Variants in SHOC1 observed in about 807,000 individuals in gnomAD.
SHOC1 encodes protein shortage in chiasmata 1 ortholog.
Under a neutral mutation model 179.2 loss-of-function variants are expected in SHOC1, and 136 were observed. The ratio of observed to expected loss-of-function variants is 0.76; its 90% confidence interval spans 0.66 to 0.87. SHOC1 has a LOEUF of 0.87. SHOC1 is among the 40% of genes least tolerant of loss of function. SHOC1 has a pLI of 0.00. For synonymous variants in SHOC1, 489 were observed against 586.6 expected (o/e 0.83, Z 2.41); for missense variants, 1,538 against 1,700.8 (o/e 0.90, Z 1.68).
chr9:111,707,212 G>T (rs182856269), intron 19 of SHOC1, among the ~76,000 whole-genome samples: 513 of 151,822 alleles, frequency 3.4e-3, no homozygotes, highest in Middle Eastern at 6.8e-3. Flanking sequence ...CATAAATTTA[G>T]CTTTCTTTTC....
chr9:111,787,561 G>A (rs558607695), intron 2 of SHOC1, among the ~76,000 whole-genome samples: 24 of 152,334 alleles, frequency 1.6e-4, no homozygotes, highest in African/African-American at 5.8e-4. Context: ...GCAATCTCAT[G>A]ATAAAACTTG....
Position 111,701,069 on chromosome 9 carries a change from A to T in SHOC1, c.3090-1022T>A, listed in dbSNP as rs113647462. Among the ~76,000 whole-genome samples, 395 of 152,264 alleles carry T rather than the reference A, an allele frequency of 2.6e-3. 2 individuals are homozygous for T. The highest frequency in any genetic ancestry group is 8.7e-3 in the African/African-American group (362 of 41,564). ...TTTGCATTATAGGCTTTGTATTGTAACTTTGCACCATAATAAATCATAGCC... is the reference window on the plus strand; with the variant it reads ...TTTGCATTATAGGCTTTGTATTGTATCTTTGCACCATAATAAATCATAGCC... On this transcript the variant is annotated intron_variant, in intron 23 of 27. Coordinates refer to ENST00000682961, the MANE Select transcript of SHOC1 (RefSeq NM_001378211.1).
intron 12 of SHOC1, among the ~76,000 whole-genome samples, chr9:111,731,308 A>T (rs1044287483): frequency 1.3e-5 from 2 of 152,202 alleles, no homozygotes; most frequent in Non-Finnish European, 2.9e-5. Flanking sequence ...CAAGAGACCT[A>T]GCTTTTGGCC....
At chr9:111,778,770 C>CCA (rs1835926545) in intron 4 of SHOC1, among the ~76,000 whole-genome samples, 1 of 74,008 alleles carries the variant, frequency 1.4e-5, no homozygotes, top group African/African-American at 5.4e-5. Flanking sequence ...GACTCTGTCT[C>CCA]AAAAAAAAAA....
chr9:111,691,898 A>C lies in SHOC1; in HGVS notation c.4079T>G (p.Phe1360Cys). Residue 1360 changes from phenylalanine (F) to cysteine (C), a missense_variant, in exon 27 of 28, where the codon TTT becomes TGT. Physicochemically the swap from Phe to Cys is radical, Grantham distance 205. Coordinates refer to ENST00000682961, the MANE Select transcript of SHOC1 (RefSeq NM_001378211.1). ...CTCTTGTTCCCATATATTTTTCTTA[A>C]AGTTCCAATGAAGAGGAGATTGAGT... is the stretch of plus-strand genomic sequence containing the variant. ...EGTQSPLHWN[F>C]KKNIWEQENH... The C allele has an allele frequency of 6.2e-7, 1 of 1,613,926 alleles. No individual in the cohort carries two copies. The highest frequency in any genetic ancestry group is 8.5e-7 in the Non-Finnish European group (1 of 1,179,950).
At chr9:111,743,753 G>T (rs769824458) in intron 10 of SHOC1, among the ~76,000 whole-genome samples, 1 of 152,146 alleles carries the variant, frequency 6.6e-6, no homozygotes, top group Non-Finnish European at 1.5e-5. Context: ...TATATATAGG[G>T]TTCAATAACA....
intron 27 of SHOC1, among the ~76,000 whole-genome samples, chr9:111,690,586 G>A (rs573023898): frequency 6.6e-6 from 1 of 152,248 alleles, no homozygotes; most frequent in African/African-American, 2.4e-5. Flanking sequence ...GACATGAATA[G>A]GTCAGTAGAG....
Position 111,748,133 on chromosome 9 carries a change from G to A in SHOC1, c.929C>T (p.Thr310Ile). 6.2e-7 allele frequency: 1 copy of A among 1,613,676 alleles called. No individual in the cohort carries two copies. The highest frequency in any genetic ancestry group is 8.5e-7 in the Non-Finnish European group (1 of 1,179,808). The change falls in exon 9 of 28, where the codon ACC becomes ATC. Residue 310 changes from threonine to isoleucine, a missense_variant. Transcript: ENST00000682961. The part of the protein sequence containing the change: ...DIKFSSTEIL[T>I]IQSQSEPEEC... ...TTCTGGTTCACTCTGGCTTTGAATG[G>A]TCAAAATCTCTGTGGAGCTGAATTT...
chr9:111,777,783 AAAGAAACAAAATCAATAT>A (rs1279980095), intron 4 of SHOC1, among the ~76,000 whole-genome samples: 13 of 152,198 alleles, frequency 8.5e-5, no homozygotes, highest in African/African-American at 3.1e-4. Context: ...GTACAGACTG[AAAGAAACAAAATCAATAT>A]AACTCTCCAA....
rs1836571344 is a variant in SHOC1 at position 111,794,890 on chromosome 9, G to C, written c.-37+10C>G. On this transcript the variant is annotated intron_variant, in intron 1 of 27. Coordinates refer to ENST00000682961, the MANE Select transcript of SHOC1 (RefSeq NM_001378211.1). The stretch of plus-strand genomic sequence containing the variant: ...CCTCTCTCCTGCCTCCAGCCTCTCA[G>C]GGCTCTTACCTGAGGTAAAAATCGC... 1 of 152,964 alleles carries C rather than the reference G, an allele frequency of 6.5e-6. No homozygotes were observed. Among genetic ancestry groups the C allele is most frequent in the Non-Finnish European group, 1.5e-5 (1 of 68,718 alleles). 9.5% of individuals were successfully genotyped at this position (152,964 alleles called of 1,614,324 possible). A position where few individuals can be genotyped will look rare whatever the true frequency, so the allele number is the denominator to read the frequency against.
rs554299712 is a variant in SHOC1 at position 111,706,545 on chromosome 9, A to T, written c.2737+23T>A. ...ATTTTCATTCTAATAAAGCAAAAAA[A>T]GGATTTTGGCTTATATTCTTACTTT... is the stretch of plus-strand genomic sequence containing the variant. On this transcript the variant is annotated intron_variant, in intron 20 of 27. Coordinates refer to ENST00000682961, the MANE Select transcript of SHOC1 (RefSeq NM_001378211.1). 4.1e-6 allele frequency: 6 copies of T among 1,455,718 alleles called. No individual in the cohort carries two copies. The African/African-American group carries it at 8.7e-5, about 21-fold the overall frequency. The allele number at this position is 1,455,718 out of a possible 1,614,324, so 90.2% of individuals were successfully genotyped here.
At chr9:111,691,157 A>G (rs1162226721) in intron 27 of SHOC1, among the ~76,000 whole-genome samples, 1 of 152,232 alleles carries the variant, frequency 6.6e-6, no homozygotes, top group Non-Finnish European at 1.5e-5. Context: ...AATCCAATAA[A>G]GCACTTAGAA....
At chr9:111,772,834 C>G (rs10981065) in intron 5 of SHOC1, among the ~76,000 whole-genome samples, 2,899 of 152,264 alleles carry the variant, frequency 0.019, 87 homozygotes, top group African/African-American at 0.066. Flanking sequence ...CCCTTCTCCC[C>G]TCTTTGTCTC....
rs1831884227 is a variant in SHOC1, at chr9:111,699,958, A to ATG, written c.3178_3179insCA (p.Val1060AlafsTer2). 2 of 1,595,950 alleles carry ATG rather than the reference A, an allele frequency of 1.3e-6. No individual in the cohort carries two copies. The highest frequency in any genetic ancestry group is 1.7e-6 in the Non-Finnish European group (2 of 1,167,880). Reference sequence around the variant, plus strand: ...AAACACATAGGAAAAGAATACCTTTACATCCAGTTCTTCAGAGTTTAGCCC... The same window carrying ATG: ...AAACACATAGGAAAAGAATACCTTTATGCATCCAGTTCTTCAGAGTTTAGCCC... On this transcript the variant is annotated frameshift_variant, in exon 24 of 28. Transcript: ENST00000682961. LOFTEE classifies it high-confidence loss of function.
chr9:111,719,975 C>T (rs1220182040), intron 15 of SHOC1, among the ~76,000 whole-genome samples: 2 of 151,988 alleles, frequency 1.3e-5, no homozygotes, highest in African/African-American at 4.8e-5. Context: ...TACACTCCAC[C>T]CTGTCTCTTC....
chr9:111,689,436 T>C (rs935960485), intron 27 of SHOC1, among the ~76,000 whole-genome samples: 3 of 151,446 alleles, frequency 2.0e-5, no homozygotes, highest in Non-Finnish European at 4.4e-5. Flanking sequence ...AGTAATTATA[T>C]CATAGAGATC....
At chr9:111,794,093 C>A (rs901160296) in intron 1 of SHOC1, among the ~76,000 whole-genome samples, 1 of 150,836 alleles carries the variant, frequency 6.6e-6, no homozygotes, top group African/African-American at 2.4e-5. Context: ...CTCAGGCAAT[C>A]CTCTCGCCTC....
Position 111,769,975 on chromosome 9 carries a change from G to GTTTTTTTTTTTTTTTTTTTTTTTTTTT in SHOC1, c.442+5815_442+5816insAAAAAAAAAAAAAAAAAAAAAAAAAAA. Reference sequence around the variant, plus strand: ...AATCTAGCGAAAGGTTTTATCTTCTGTTTTTTTTTTGTTTTTTTTTTTTTT... The same window carrying GTTTTTTTTTTTTTTTTTTTTTTTTTTT: ...AATCTAGCGAAAGGTTTTATCTTCTGTTTTTTTTTTTTTTTTTTTTTTTTTTTTTTTTTTTTTGTTTTTTTTTTTTTT... On this transcript the variant is annotated intron_variant, in intron 5 of 27. Transcript: ENST00000682961. Among the ~76,000 whole-genome samples the GTTTTTTTTTTTTTTTTTTTTTTTTTTT allele has an allele frequency of 1.3e-4, 11 of 87,804 alleles. 1 individual carries two copies. Among genetic ancestry groups the GTTTTTTTTTTTTTTTTTTTTTTTTTTT allele is most frequent in the East Asian group, 2.7e-4 (1 of 3,718 alleles). 57.6% of individuals were successfully genotyped at this position (87,804 alleles called of 152,430 possible).
intron 15 of SHOC1, among the ~76,000 whole-genome samples, chr9:111,720,301 A>G (rs1832977793): frequency 1.3e-5 from 2 of 152,134 alleles, no homozygotes; most frequent in Non-Finnish European, 2.9e-5. Context: ...CTTTGCATTT[A>G]TATTATTTAT....
Sources: allele counts gnomAD v4.1 joint callset (sites outside exome capture counted in the v4.1 genomes callset), GRCh38; gene constraint gnomAD v4.1.1; transcripts MANE v1.5; gene names NCBI Gene and HGNC (gene_info 2026-07-23, HGNC 2026-07-21).